RBFOX1: variants seen among roughly 807,000 people sequenced by gnomAD.
RBFOX1 encodes the protein RNA binding fox-1 homolog 1, also known as RNA binding protein fox-1 homolog 1.
A neutral mutation model predicts 57.7 loss-of-function variants in RBFOX1; 8 were observed. That is an observed-to-expected ratio of 0.14 (90% confidence interval 0.08 to 0.25). The LOEUF is 0.25. RBFOX1 is among the 10% of genes least tolerant of loss of function. The pLI is 1.00. For synonymous variants in RBFOX1, 326 were observed against 222.4 expected (o/e 1.47, Z -4.15); for missense variants, 611 against 548.5 (o/e 1.11, Z -1.14).
intron 4 of RBFOX1, among the ~76,000 whole-genome samples, chr16:7,439,922 A>C (rs1226749763): frequency 6.6e-6 from 1 of 151,306 alleles, no homozygotes; most frequent in Admixed American, 6.6e-5. Flanking sequence ...GGTTTCCTGA[A>C]CCACAAAACA....
rs575354526 is a variant in RBFOX1 at position 7,425,468 on chromosome 16, C to G, written c.28-92679C>G. Among the ~76,000 whole-genome samples, 7 of 152,302 alleles carry G rather than the reference C, an allele frequency of 4.6e-5. No homozygotes were observed. In the East Asian group the frequency reaches 1.4e-3, roughly 29 times the overall value. The stretch of plus-strand genomic sequence containing the variant: ...GAAATTTCAAAGGATGGAAACCCTT[C>G]TTTGAAGGACTTAAAATTACATTTA... On this transcript the variant is annotated intron_variant, in intron 4 of 15. Transcript: ENST00000550418.
intron 3 of RBFOX1, among the ~76,000 whole-genome samples, chr16:7,025,008 C>G (rs1007001845): frequency 2.6e-5 from 4 of 152,126 alleles, no homozygotes. Context: ...AGGCAAGGGG[C>G]TGGATCCCGA....
chr16:7,262,671 G>C (rs578225352), intron 4 of RBFOX1, among the ~76,000 whole-genome samples: 2 of 152,346 alleles, frequency 1.3e-5, no homozygotes, highest in Admixed American at 6.5e-5. Flanking sequence ...ATCTATCAAG[G>C]AGGGCGTGGA....
intron 1 of RBFOX1, among the ~76,000 whole-genome samples, chr16:6,021,495 AGGT>A (rs1435778374): frequency 1.3e-5 from 2 of 152,174 alleles, no homozygotes; most frequent in East Asian, 3.9e-4. Flanking sequence ...TGAAGGGTAA[AGGT>A]GGTGCTGGCA....
chr16:5,770,484 C>A (rs554016997), intron 3 of RBFOX1, among the ~76,000 whole-genome samples: 3 of 152,282 alleles, frequency 2.0e-5, no homozygotes, highest in South Asian at 2.1e-4. Context: ...GAATAACCCA[C>A]CCCTTGTTTA....
chr16:6,355,258 A>T (rs550445444), intron 2 of RBFOX1, among the ~76,000 whole-genome samples: 278 of 152,106 alleles, frequency 1.8e-3, no homozygotes, highest in African/African-American at 6.4e-3. Context: ...TACATTAGAT[A>T]TTTCTCCTAA....
At chr16:7,108,806 T>C (rs965399085) in intron 4 of RBFOX1, among the ~76,000 whole-genome samples, 2 of 152,176 alleles carry the variant, frequency 1.3e-5, no homozygotes, top group African/African-American at 4.8e-5. Context: ...TGAAGGCTTG[T>C]TTGTTGTACC....
chr16:6,391,043 C>T (rs949339120), intron 2 of RBFOX1, among the ~76,000 whole-genome samples: 3 of 152,140 alleles, frequency 2.0e-5, no homozygotes, highest in Admixed American at 6.5e-5. Context: ...GATAGTACCT[C>T]GCACTCCTCC....
chr16:7,334,451 C>T (rs1231383662), intron 4 of RBFOX1, among the ~76,000 whole-genome samples: 2 of 152,102 alleles, frequency 1.3e-5, no homozygotes, highest in Admixed American at 6.5e-5. Flanking sequence ...TGAAGGTCGG[C>T]TGTTGGAGCT....
chr16:6,553,144 G>A (rs1035763594), intron 2 of RBFOX1, among the ~76,000 whole-genome samples: 6 of 152,160 alleles, frequency 3.9e-5, no homozygotes, highest in African/African-American at 1.4e-4. Flanking sequence ...ATGGAAGTCA[G>A]TTCTGTTAAA....
chr16:7,320,093 T>G (rs1289065827), intron 4 of RBFOX1, among the ~76,000 whole-genome samples: 6 of 152,194 alleles, frequency 3.9e-5, no homozygotes, highest in Non-Finnish European at 8.8e-5. Context: ...TATTGTAAGT[T>G]GCAGGATACA....
At chr16:7,214,493 A>G (rs1029926357) in intron 4 of RBFOX1, among the ~76,000 whole-genome samples, 3 of 151,668 alleles carry the variant, frequency 2.0e-5, no homozygotes, top group African/African-American at 4.8e-5. Context: ...CTCCATCTCC[A>G]TCATCTCTCT....
chr16:7,451,363 T>G (rs972212852), intron 4 of RBFOX1, among the ~76,000 whole-genome samples: 2 of 152,184 alleles, frequency 1.3e-5, no homozygotes, highest in Non-Finnish European at 2.9e-5. Context: ...TTGAGATAGT[T>G]TTGGAAATTT....
At chr16:6,001,341 A>G (rs1188445943) in intron 4 of RBFOX1, among the ~76,000 whole-genome samples, 1 of 152,208 alleles carries the variant, frequency 6.6e-6, no homozygotes, top group East Asian at 1.9e-4. Context: ...ACTAGGATCA[A>G]GTGTCTTTAT....
chr16:5,930,877 G>A (rs1487966092), intron 4 of RBFOX1, among the ~76,000 whole-genome samples: 3 of 146,938 alleles, frequency 2.0e-5, no homozygotes, highest in African/African-American at 5.1e-5. Flanking sequence ...TGTATGGCTG[G>A]GTAGGTGGGA....
intron 2 of RBFOX1, among the ~76,000 whole-genome samples, chr16:6,407,798 C>G (rs1407951748): frequency 6.6e-6 from 1 of 152,080 alleles, no homozygotes; most frequent in Non-Finnish European, 1.5e-5. Context: ...AGAAATAAAA[C>G]ACTAAATCAC....
intron 4 of RBFOX1, among the ~76,000 whole-genome samples, chr16:7,115,271 C>G (rs1313200520): frequency 6.6e-6 from 1 of 152,024 alleles, no homozygotes; most frequent in Non-Finnish European, 1.5e-5. Flanking sequence ...TCCGGTCACT[C>G]ATGGAAAAAT....
intron 1 of RBFOX1, among the ~76,000 whole-genome samples, chr16:5,336,173 C>A (rs2064891024): frequency 6.6e-6 from 1 of 151,994 alleles, no homozygotes; most frequent in African/African-American, 2.4e-5. Flanking sequence ...AACTTGGGAG[C>A]CAAAGGACCA....
At chr16:6,817,103 G>T (rs114097990) in intron 3 of RBFOX1, among the ~76,000 whole-genome samples, 5 of 152,224 alleles carry the variant, frequency 3.3e-5, no homozygotes, top group African/African-American at 1.2e-4. Flanking sequence ...AGGTGACTGT[G>T]GATACAGAAC....
Sources: allele counts gnomAD v4.1 joint callset (sites outside exome capture counted in the v4.1 genomes callset), GRCh38; gene constraint gnomAD v4.1.1; transcripts MANE v1.5; gene names NCBI Gene and HGNC (gene_info 2026-07-23, HGNC 2026-07-21).